DOCK3: variants seen among roughly 807,000 people sequenced by gnomAD.
The protein encoded by DOCK3 is dedicator of cytokinesis protein 3.
DOCK3 carries 60 observed loss-of-function variants against 265.6 expected under a neutral mutation model. That is an observed-to-expected ratio of 0.23 (90% CI 0.18 to 0.28). The LOEUF (loss-of-function observed/expected upper bound fraction) is 0.28. DOCK3 is among the 10% of genes least tolerant of loss of function. The pLI is 1.00. For synonymous variants in DOCK3, 881 were observed against 938.0 expected (o/e 0.94, Z 1.11); for missense variants, 1,981 against 2,594.3 (o/e 0.76, Z 5.14).
At chr3:51,263,512 C>A (rs963968344) in intron 23 of DOCK3, among the ~76,000 whole-genome samples, 1 of 152,198 alleles carries the variant, frequency 6.6e-6, no homozygotes, top group Admixed American at 6.5e-5. Context: ...ACTGCATCAA[C>A]TAACGGGCAA....
intron 2 of DOCK3, among the ~76,000 whole-genome samples, chr3:50,828,992 G>A (rs2044955743): frequency 6.6e-6 from 1 of 152,210 alleles, no homozygotes; most frequent in South Asian, 2.1e-4. Context: ...GATTACAGGT[G>A]TGAGCCACCG....
chr3:50,983,690 T>C (rs2077786502), intron 5 of DOCK3, among the ~76,000 whole-genome samples: 1 of 152,172 alleles, frequency 6.6e-6, no homozygotes, highest in Non-Finnish European at 1.5e-5. Flanking sequence ...TTTGTCTTGC[T>C]CATCCTCCAC....
At chr3:51,183,798 T>A (rs149929565) in intron 12 of DOCK3, among the ~76,000 whole-genome samples, 23 of 152,208 alleles carry the variant, frequency 1.5e-4, no homozygotes, top group Non-Finnish European at 2.6e-4. Flanking sequence ...CACACAGCAG[T>A]GGGGTAGGGT....
intron 5 of DOCK3, among the ~76,000 whole-genome samples, chr3:51,040,689 G>T (rs946344800): frequency 1.3e-5 from 2 of 152,120 alleles, no homozygotes; most frequent in East Asian, 3.9e-4. Context: ...TTGGAGTCAG[G>T]CTTCTCCAAC....
At chr3:50,698,516 G>GTTTTTTTTTTTTTTTTTTTTT (rs2035788895) in intron 1 of DOCK3, among the ~76,000 whole-genome samples, 1 of 12,412 alleles carries the variant, frequency 8.1e-5, no homozygotes, top group East Asian at 2.5e-3. Context: ...GTATGTTTTT[G>GTTTTTTTTTTTTTTTTTTTTT]GTTTTTTTTT....
At chr3:50,973,211 A>C (rs565820208) in intron 5 of DOCK3, among the ~76,000 whole-genome samples, 2 of 149,352 alleles carry the variant, frequency 1.3e-5, no homozygotes, top group Non-Finnish European at 3.0e-5. Flanking sequence ...ATATGTATAC[A>C]TGTGCCACGC....
chr3:51,176,071 A>G (rs978505821), intron 12 of DOCK3, among the ~76,000 whole-genome samples: 6 of 152,188 alleles, frequency 3.9e-5, no homozygotes, highest in Admixed American at 6.5e-5. Flanking sequence ...TCAGTACACA[A>G]TTGGATTTGT....
In DOCK3 at chr3:51,326,257, T is replaced by A. The variant is rs1209603777; in HGVS notation, c.3403-3881T>A. On this transcript the variant is annotated intron_variant, in intron 32 of 52. Coordinates refer to ENST00000266037, the MANE Select transcript of DOCK3 (RefSeq NM_004947.5). Reference sequence around the variant, plus strand: ...ATTTTGTTAAGCTCCTAATTTTATTTTTTTTAATTTTTTTTTTTTTTGAGA... The same window carrying A: ...ATTTTGTTAAGCTCCTAATTTTATTATTTTTAATTTTTTTTTTTTTTGAGA... Among the ~76,000 whole-genome samples, 10 of 68,986 alleles carry A rather than the reference T, an allele frequency of 1.4e-4. No homozygotes were observed. The East Asian group carries it at 4.5e-3, about 31-fold the overall frequency. 45.3% of individuals were successfully genotyped at this position (68,986 alleles called of 152,430 possible). A position where few individuals can be genotyped will look rare whatever the true frequency, so the allele number is the denominator to read the frequency against.
intron 1 of DOCK3, among the ~76,000 whole-genome samples, chr3:50,773,827 TTGGTAGTCAGAGTAAGACACCGA>T (rs2041428771): frequency 6.6e-6 from 1 of 152,066 alleles, no homozygotes; most frequent in South Asian, 2.1e-4. Context: ...TATTTTTCAC[TTGGTAGTCAGAGTAAGACACCGA>T]TGAGTATCTG....
intron 32 of DOCK3, among the ~76,000 whole-genome samples, chr3:51,317,841 ACT>A (rs1385388376): frequency 1.3e-5 from 2 of 151,922 alleles, no homozygotes; most frequent in African/African-American, 4.8e-5. Flanking sequence ...CTCTTTCTAG[ACT>A]CTAGTCCTTC....
chr3:51,217,806 T>A (rs976150757), intron 14 of DOCK3, among the ~76,000 whole-genome samples: 2 of 152,134 alleles, frequency 1.3e-5, no homozygotes, highest in African/African-American at 4.8e-5. Flanking sequence ...GAGTATAACC[T>A]GAAAGGAATG....
intron 28 of DOCK3, 23 bp downstream of exon 28, chr3:51,310,349 T>C: frequency 6.5e-7 from 1 of 1,531,770 alleles, no homozygotes; most frequent in Non-Finnish European, 8.9e-7. Flanking sequence ...GGGCTCTGTA[T>C]CAGCATCACT....
intron 51 of DOCK3, among the ~76,000 whole-genome samples, chr3:51,378,245 C>T (rs1191912424): frequency 1.3e-5 from 2 of 152,214 alleles, no homozygotes; most frequent in Admixed American, 6.5e-5. Flanking sequence ...ATTCTCAGAA[C>T]TGAGGCTGTT....
intron 9 of DOCK3, among the ~76,000 whole-genome samples, chr3:51,112,793 A>G (rs1416808068): frequency 6.6e-6 from 1 of 152,170 alleles, no homozygotes; most frequent in South Asian, 2.1e-4. Context: ...AGTTTTTAAT[A>G]TCCTGGCCAC....
chr3:51,334,169 G>A (rs1056162373), intron 35 of DOCK3, among the ~76,000 whole-genome samples: 1 of 152,142 alleles, frequency 6.6e-6, no homozygotes, highest in Non-Finnish European at 1.5e-5. Flanking sequence ...CTTAATGAAA[G>A]TCTGCCTTCT....
chr3:50,935,884 C>T (rs1342716352), intron 5 of DOCK3, among the ~76,000 whole-genome samples: 6 of 152,054 alleles, frequency 3.9e-5, no homozygotes, highest in South Asian at 4.1e-4. Flanking sequence ...AAATAGGAAC[C>T]GGAGTGTCAT....
chr3:51,313,484 C>T (rs967008144), intron 31 of DOCK3, among the ~76,000 whole-genome samples: 1 of 152,222 alleles, frequency 6.6e-6, no homozygotes, highest in African/African-American at 2.4e-5. Context: ...AAAATAGCCA[C>T]TGCTTTGAAT....
intron 1 of DOCK3, among the ~76,000 whole-genome samples, chr3:50,747,968 G>A (rs2039560728): frequency 1.3e-5 from 2 of 152,216 alleles, no homozygotes; most frequent in African/African-American, 4.8e-5. Context: ...GTATGACACT[G>A]CTAAACTCTC....
intron 27 of DOCK3, among the ~76,000 whole-genome samples, chr3:51,287,394 T>A (rs954038954): frequency 4.6e-5 from 7 of 151,472 alleles, no homozygotes; most frequent in African/African-American, 7.3e-5. Flanking sequence ...ACAAAAAAAA[T>A]AAAATAAAAA....
Sources: allele counts gnomAD v4.1 joint callset (sites outside exome capture counted in the v4.1 genomes callset), GRCh38; gene constraint gnomAD v4.1.1; transcripts MANE v1.5; gene names NCBI Gene and HGNC (gene_info 2026-07-23, HGNC 2026-07-21).